CCDC30: variants seen among roughly 807,000 people sequenced by gnomAD.
CCDC30 encodes coiled-coil domain-containing protein 30.
Under a neutral mutation model 100.2 loss-of-function variants are expected in CCDC30, and 70 were observed. The ratio of observed to expected loss-of-function variants is 0.70; its 90% CI spans 0.58 to 0.85. The LOEUF is 0.85. CCDC30 is among the 40% of genes least tolerant of loss of function. The probability of loss-of-function intolerance (pLI) is 0.00; values close to 1 mark genes in which losing one functional copy is unlikely to be tolerated. For synonymous variants in CCDC30, 233 were observed against 269.5 expected, an observed-to-expected ratio of 0.86 and a Z score of 1.33; for missense variants, 652 against 771.2, an observed-to-expected ratio of 0.85 and a Z score of 1.83.
chr1:42,577,348 T>C, intron 8 of CCDC30, 119 bp downstream of exon 12: 1 of 710,426 alleles, frequency 1.4e-6, no homozygotes, highest in Non-Finnish European at 2.3e-6. Context: ...AAGATTTTTT[T>C]TCTCTCCCAT....
intron 10 of CCDC30, among the ~76,000 whole-genome samples, chr1:42,597,084 A>G (rs1449688501): frequency 6.6e-6 from 1 of 152,212 alleles, no homozygotes; most frequent in Admixed American, 6.5e-5. Flanking sequence ...GGACATCTGA[A>G]TAGAAATCTA....
chr1:42,456,922 G>A, the CCDC30 span: 1 of 1,609,826 alleles, frequency 6.2e-7, no homozygotes, highest in Non-Finnish European at 8.5e-7. Flanking sequence ...TGAGCCTGGA[G>A]GCCGAGGAGA....
chr1:42,527,034 T>C (rs922355983), intron 6 of CCDC30, among the ~76,000 whole-genome samples: 1 of 152,188 alleles, frequency 6.6e-6, no homozygotes, highest in Non-Finnish European at 1.5e-5. Flanking sequence ...CAACATACTT[T>C]GTGTTCATCA....
chr1:42,513,452 G>A (rs1413540944), intron 6 of CCDC30, among the ~76,000 whole-genome samples: 6 of 152,142 alleles, frequency 3.9e-5, no homozygotes, highest in Non-Finnish European at 2.9e-5. Context: ...CATCTTGTCT[G>A]CTCCTTACTG....
rs75548581 is a variant in CCDC30, at chr1:42,533,466, G to A, written c.457-32830G>A. Among the ~76,000 whole-genome samples the A allele has an allele frequency of 1.6e-3, 247 of 152,314 alleles. 4 individuals are homozygous for A. In the East Asian group the frequency reaches 0.017, roughly 11 times the overall value. ...GCAGGAGTATTCCCATTACATATTT[G>A]TGAGAACTTAAGGGAACTTGACCAA... On this transcript the variant is annotated intron_variant, in intron 6 of 16. Coordinates refer to ENST00000668663, the Ensembl canonical transcript of CCDC30.
chr1:42,488,320 T>A (rs1032772321), intron 3 of CCDC30, among the ~76,000 whole-genome samples: 1 of 152,114 alleles, frequency 6.6e-6, no homozygotes, highest in African/African-American at 2.4e-5. Context: ...TTTTCTTTTT[T>A]TTCTTTCTTT....
intron 6 of CCDC30, among the ~76,000 whole-genome samples, chr1:42,511,341 T>A (rs1349785273): frequency 1.3e-5 from 2 of 152,174 alleles, no homozygotes; most frequent in African/African-American, 4.8e-5. Flanking sequence ...TCTCAGGAAA[T>A]ACTATGTAAT....
intron 10 of CCDC30, among the ~76,000 whole-genome samples, chr1:42,601,268 C>T (rs985268683): frequency 6.6e-6 from 1 of 152,142 alleles, no homozygotes; most frequent in South Asian, 2.1e-4. Context: ...ACATTTATAG[C>T]ATTGAATGCA....
chr1:42,502,317 A>G (rs1454519168), intron 6 of CCDC30, among the ~76,000 whole-genome samples: 3 of 151,334 alleles, frequency 2.0e-5, no homozygotes, highest in African/African-American at 7.4e-5. Context: ...ATTTGCTAAG[A>G]CCATTGGAAA....
intron 6 of CCDC30, among the ~76,000 whole-genome samples, chr1:42,564,469 C>T (rs1001413526): frequency 2.6e-5 from 4 of 151,304 alleles, no homozygotes; most frequent in Non-Finnish European, 5.9e-5. Context: ...CGCACCATCA[C>T]ACCCAGCTAA....
intron 12 of CCDC30, among the ~76,000 whole-genome samples, chr1:42,642,087 G>C (rs1046183810): frequency 6.6e-6 from 1 of 151,874 alleles, no homozygotes; most frequent in Non-Finnish European, 1.5e-5. Context: ...TTAGCCGGGC[G>C]TAGTGGTGGG....
intron 10 of CCDC30, among the ~76,000 whole-genome samples, chr1:42,598,462 T>C (rs1005364003): frequency 2.6e-5 from 4 of 151,974 alleles, no homozygotes; most frequent in African/African-American, 9.7e-5. Context: ...GAAGGAATTT[T>C]TGAGCCCAGA....
At chr1:42,581,605 G>A in intron 9 of CCDC30, 91 bp downstream of exon 13, 3 of 1,211,450 alleles carry the variant, frequency 2.5e-6, no homozygotes, top group Non-Finnish European at 3.5e-6. Context: ...ATATCAGAGA[G>A]TATTTCTGCT....
At chr1:42,573,531 C>T (rs1222858207) in intron 7 of CCDC30, among the ~76,000 whole-genome samples, 1 of 151,938 alleles carries the variant, frequency 6.6e-6, no homozygotes, top group Non-Finnish European at 1.5e-5. Context: ...GTAATCATAT[C>T]ATCTAAAGAC....
At chr1:42,468,953 C>T (rs1032964814) in intron 1 of CCDC30, among the ~76,000 whole-genome samples, 5 of 151,206 alleles carry the variant, frequency 3.3e-5, no homozygotes, top group Non-Finnish European at 7.4e-5. Flanking sequence ...ACCCAGGAAG[C>T]ATACTGAGAA....
At chr1:42,456,445 T>G in the CCDC30 span, 20 of 1,050,138 alleles carry the variant, frequency 1.9e-5, no homozygotes, top group Non-Finnish European at 2.6e-5. Flanking sequence ...CGGGACCTAG[T>G]GTCAAAAGAA....
At chr1:42,544,225 T>A (rs532143072) in intron 6 of CCDC30, among the ~76,000 whole-genome samples, 2 of 152,268 alleles carry the variant, frequency 1.3e-5, no homozygotes, top group African/African-American at 4.8e-5. Flanking sequence ...TCCCCACCCA[T>A]CCTTTCTACT....
upstream of CCDC30, among the ~76,000 whole-genome samples, chr1:42,462,422 C>G (rs1486501570): frequency 6.6e-6 from 1 of 152,088 alleles, no homozygotes; most frequent in African/African-American, 2.4e-5. Context: ...CAGAAAAAAA[C>G]ACTTGCAAGA....
Position 42,525,022 on chromosome 1 carries a change from A to G in CCDC30, c.456+26106A>G, listed in dbSNP as rs80018136. ...TGTCTTCTTGCTTTCATAGTTTTTG[A>G]CAAGCTCATAGTCATTCTTATCTTT... On this transcript the variant is annotated intron_variant, in intron 6 of 16. Transcript: ENST00000668663. Among the ~76,000 whole-genome samples the G allele has an allele frequency of 3.8e-3, 584 of 152,212 alleles. 1 individual carries two copies. Among genetic ancestry groups the G allele is most frequent in the African/African-American group, 0.012 (518 of 41,536 alleles).
Sources: allele counts gnomAD v4.1 joint callset (sites outside exome capture counted in the v4.1 genomes callset), GRCh38; gene constraint gnomAD v4.1.1; transcripts MANE v1.5; gene names NCBI Gene and HGNC (gene_info 2026-07-23, HGNC 2026-07-21).